AAK1: variants seen among roughly 807,000 people sequenced by gnomAD.
AAK1 encodes the protein AP2 associated kinase 1, also known as AP2-associated protein kinase 1.
AAK1 carries 37 observed loss-of-function variants against 116.0 expected under a neutral mutation model. The observed-to-expected ratio is 0.32, with a 90% CI of 0.25 to 0.42. The LOEUF (loss-of-function observed/expected upper bound fraction) is 0.42, where lower values mean the gene tolerates loss of function less well. Among genes scored for constraint, AAK1 ranks in the 10% least tolerant of loss-of-function variants. The pLI, the probability that AAK1 is intolerant of heterozygous loss-of-function variation, is 1.00. For missense variants in AAK1, 919 were observed against 1,170.6 expected, an observed-to-expected ratio of 0.79 and a Z score of 3.14; for synonymous variants, 458 against 439.9, an observed-to-expected ratio of 1.04 and a Z score of -0.51.
intron 2 of AAK1, among the ~76,000 whole-genome samples, chr2:69,632,579 T>A (rs1573027587): frequency 1.3e-5 from 2 of 148,198 alleles, no homozygotes; most frequent in East Asian, 4.0e-4. Flanking sequence ...GCAAATCACC[T>A]AATTTTCAAA....
At chr2:69,593,609 T>C (rs1028409899) in intron 2 of AAK1, among the ~76,000 whole-genome samples, 9 of 152,160 alleles carry the variant, frequency 5.9e-5, no homozygotes, top group African/African-American at 2.2e-4. Context: ...ATTAAATCTA[T>C]GGGTGATATG....
intron 2 of AAK1, among the ~76,000 whole-genome samples, chr2:69,624,144 G>T (rs1674792982): frequency 6.6e-6 from 1 of 152,160 alleles, no homozygotes; most frequent in African/African-American, 2.4e-5. Context: ...GTATATACAG[G>T]TTTAATTTTT....
intron 5 of AAK1, among the ~76,000 whole-genome samples, chr2:69,536,093 G>C (rs1033880748): frequency 1.3e-5 from 2 of 152,230 alleles, no homozygotes; most frequent in Non-Finnish European, 2.9e-5. Flanking sequence ...GAGGTCACAG[G>C]ATAGTAGGGC....
rs775661885 is a variant in AAK1, at chr2:69,542,615, C to G, written c.442G>C (p.Glu148Gln). 7 of 1,613,892 alleles carry G rather than the reference C, an allele frequency of 4.3e-6. No individual in the cohort carries two copies. The highest frequency in any genetic ancestry group is 5.1e-6 in the Non-Finnish European group (6 of 1,179,880). ...CAAAATATCTGGAGCACTTCATTCT[C>G]TGTAAAGCCTGTTTGCAGGCGCTGG... The part of the protein sequence containing the change: ...MNQRLQTGFT[E>Q]NEVLQIFCDT... Residue 148 changes from glutamate to glutamine, a missense_variant, in exon 5 of 22, where the codon GAG becomes CAG. By Grantham distance (29) the Glu-to-Gln change is conservative. Transcript: ENST00000409085.
chr2:69,557,058 C>T, intron 2 of AAK1, 80 bp from the exon 3 acceptor site: 2 of 991,532 alleles, frequency 2.0e-6, no homozygotes, highest in South Asian at 2.7e-5. Flanking sequence ...TGGAGGTTGC[C>T]ACTGTCACTG....
chr2:69,586,007 C>T (rs1366801675), intron 2 of AAK1, among the ~76,000 whole-genome samples: 6 of 152,104 alleles, frequency 3.9e-5, no homozygotes, highest in African/African-American at 7.2e-5. Flanking sequence ...CTGATTGGTG[C>T]GGAGTGCTCC....
intron 2 of AAK1, among the ~76,000 whole-genome samples, chr2:69,591,861 G>A (rs1028106531): frequency 2.9e-4 from 44 of 152,140 alleles, no homozygotes; most frequent in South Asian, 4.1e-4. Context: ...GAGCCACTGC[G>A]CCTGGCCTGT....
intron 10 of AAK1, among the ~76,000 whole-genome samples, chr2:69,524,294 C>A (rs1669920952): frequency 6.6e-6 from 1 of 152,164 alleles, no homozygotes; most frequent in Admixed American, 6.5e-5. Flanking sequence ...CCAGGCTGAT[C>A]CCAAACTCCT....
Position 69,519,164 on chromosome 2 carries a change from C to A in AAK1, c.1287G>T (p.Pro429=), listed in dbSNP as rs7603932. ...KPQAPPSQPL[P]QTQAKQPQAP... Reference sequence around the variant, plus strand: ...CCTGTGGCTGCTTGGCCTGAGTTTGCGGCAGAGGCTGGCTGGGTGGGGCTT... The same window carrying A: ...CCTGTGGCTGCTTGGCCTGAGTTTGAGGCAGAGGCTGGCTGGGTGGGGCTT... Residue 429 remains proline (P), a synonymous_variant, in exon 12 of 22, where the codon CCG becomes CCT. Coordinates refer to ENST00000409085, the MANE Select transcript of AAK1 (RefSeq NM_014911.5). The A allele has an allele frequency of 2.0e-5, 31 of 1,582,834 alleles. No homozygotes were observed. In the Middle Eastern group the frequency reaches 5.0e-4, roughly 25 times the overall value.
At position 69,478,982 on chromosome 2, in the gene AAK1, G is replaced by A. The variant is rs1229874554; in HGVS notation, c.2649C>T (p.Ala883=). The A allele has an allele frequency of 6.2e-7, 1 of 1,613,548 alleles. No homozygotes were observed. The highest frequency in any genetic ancestry group is 2.2e-5 in the East Asian group (1 of 44,894). ...NPTTDLLEEF[A]PTAISAPVHK... is the part of the protein sequence containing the mutation. Reference sequence around the variant, plus strand: ...GGACTGGAGCAGAGATTGCTGTGGGGGCAAACTCTTCCAGAAGGTCAGTAG... The same window carrying A: ...GGACTGGAGCAGAGATTGCTGTGGGAGCAAACTCTTCCAGAAGGTCAGTAG... The change falls in exon 20 of 22, where the codon GCC becomes GCT. Residue 883 remains alanine (A), a synonymous_variant. Coordinates refer to ENST00000409085, the MANE Select transcript of AAK1 (RefSeq NM_014911.5).
intron 2 of AAK1, among the ~76,000 whole-genome samples, chr2:69,588,693 A>AT (rs71397338): frequency 1.5e-4 from 23 of 148,782 alleles, no homozygotes; most frequent in South Asian, 1.5e-3. Flanking sequence ...CAGCTACATG[A>AT]TTTTTTTTTT....
At position 69,469,846 on chromosome 2, in the gene AAK1, CAATATGGGT is replaced by C; in HGVS notation, c.*6014_*6022del. 1 of 985,388 alleles carries C rather than the reference CAATATGGGT, an allele frequency of 1.0e-6. No homozygotes were observed. Among genetic ancestry groups the C allele is most frequent in the Non-Finnish European group, 1.2e-6 (1 of 829,930 alleles). 61.0% of individuals were successfully genotyped at this position (985,388 alleles called of 1,614,324 possible). The stretch of plus-strand genomic sequence containing the variant: ...GCCAGGTTAGGCACGTTGACACTTT[CAATATGGGT>C]AACTCCATATTAGTCTATTTTGAGG... On this transcript the variant is annotated 3_prime_UTR_variant, in exon 22 of 22. Transcript: ENST00000409085.
chr2:69,566,345 T>C (rs1671866959), intron 2 of AAK1, among the ~76,000 whole-genome samples: 1 of 152,164 alleles, frequency 6.6e-6, no homozygotes, highest in African/African-American at 2.4e-5. Context: ...GTTTTTTTAA[T>C]GTCAATCTCT....
At chr2:69,597,352 GC>G in intron 2 of AAK1, 1 of 153,354 alleles carries the variant, frequency 6.5e-6, no homozygotes. Flanking sequence ...TCTCTGGACA[GC>G]CCCAGCTCCC....
chr2:69,643,397 G>A (rs920014439), intron 1 of AAK1, 123 bp from the exon 2 acceptor site: 15 of 1,182,284 alleles, frequency 1.3e-5, no homozygotes, highest in African/African-American at 1.6e-5. Flanking sequence ...TTCCCGGCGA[G>A]AAAAACCGTG....
chr2:69,557,950 AT>A (rs1162936735), intron 2 of AAK1, among the ~76,000 whole-genome samples: 1 of 152,234 alleles, frequency 6.6e-6, no homozygotes, highest in Non-Finnish European at 1.5e-5. Flanking sequence ...AGAAAGTGCT[AT>A]TCCACATAGC....
chr2:69,478,905 T>C (rs1051487883), intron 20 of AAK1, 46 bp downstream of exon 20: 1 of 1,463,904 alleles, frequency 6.8e-7, no homozygotes, highest in African/African-American at 1.4e-5. Flanking sequence ...TTTAGTTCTT[T>C]CCCCTCTAAG....
intron 2 of AAK1, among the ~76,000 whole-genome samples, chr2:69,588,612 CT>C (rs1672890809): frequency 6.6e-6 from 1 of 152,186 alleles, no homozygotes; most frequent in Admixed American, 6.5e-5. Flanking sequence ...CTGAAACCAT[CT>C]GTGGGTGCTA....
At chr2:69,531,083 G>A (rs972688287) in intron 6 of AAK1, among the ~76,000 whole-genome samples, 1 of 152,188 alleles carries the variant, frequency 6.6e-6, no homozygotes, top group Non-Finnish European at 1.5e-5. Flanking sequence ...TCAACACAGA[G>A]ATGTAATACT....
Sources: allele counts gnomAD v4.1 joint callset (sites outside exome capture counted in the v4.1 genomes callset), GRCh38; gene constraint gnomAD v4.1.1; transcripts MANE v1.5; gene names NCBI Gene and HGNC (gene_info 2026-07-23, HGNC 2026-07-21).